LYST: variants seen among roughly 807,000 people sequenced by gnomAD.
The protein encoded by LYST is lysosomal trafficking regulator, also known as lysosomal-trafficking regulator.
In LYST, 192 loss-of-function variants were observed where a neutral mutation model predicts 413.6. That is an observed-to-expected ratio of 0.46 (90% confidence interval 0.41 to 0.52). LYST has a LOEUF of 0.52. LYST is among the 20% of genes least tolerant of loss of function. The pLI is 0.00. For synonymous variants in LYST, 1,525 were observed against 1,567.3 expected, an observed-to-expected ratio of 0.97 and a Z score of 0.64; for missense variants, 3,815 against 4,499.9, an observed-to-expected ratio of 0.85 and a Z score of 4.35.
Position 235,764,557 on chromosome 1 carries a change from T to C in LYST, c.6121+1522A>G, listed in dbSNP as rs1466957662. ...TCTTGTCACCCAGGCTGGAGTGCAATGGCACATTCTCACCTAACTGCAACC... is the reference window on the plus strand; with the variant it reads ...TCTTGTCACCCAGGCTGGAGTGCAACGGCACATTCTCACCTAACTGCAACC... On this transcript the variant is annotated intron_variant, in intron 21 of 52. Transcript: ENST00000389793. Among the ~76,000 whole-genome samples the C allele has an allele frequency of 5.6e-5, 8 of 143,552 alleles. No homozygotes were observed. The Admixed American group carries it at 5.7e-4, about 10-fold the overall frequency. The allele number at this position is 143,552 out of a possible 152,430, so 94.2% of individuals were successfully genotyped here. A position where few individuals can be genotyped will look rare whatever the true frequency, so the allele number is the denominator to read the frequency against.
intron 10 of LYST, among the ~76,000 whole-genome samples, chr1:235,796,232 C>T (rs1349837781): frequency 6.6e-6 from 1 of 151,858 alleles, no homozygotes; most frequent in Non-Finnish European, 1.5e-5. Flanking sequence ...AGATATGACA[C>T]TAAAAGCAAA....
At chr1:235,852,838 G>A (rs1196503846) in intron 1 of LYST, among the ~76,000 whole-genome samples, 1 of 152,190 alleles carries the variant, frequency 6.6e-6, no homozygotes, top group African/African-American at 2.4e-5. Flanking sequence ...GCAGTTAAGA[G>A]ATTTCCCAAA....
In LYST at chr1:235,840,366, T is replaced by A. The variant is rs139033643; in HGVS notation, c.-97-6699A>T. On this transcript the variant is annotated intron_variant, in intron 1 of 52. Coordinates refer to ENST00000389793, the MANE Select transcript of LYST (RefSeq NM_000081.4). Reference sequence around the variant, plus strand: ...TGTCACTGAAGAAATTACAGTAAGTTTGGTATCACAACTACAAAATGAGAA... The same window carrying A: ...TGTCACTGAAGAAATTACAGTAAGTATGGTATCACAACTACAAAATGAGAA... Among the ~76,000 whole-genome samples, 29 of 152,254 alleles carry A rather than the reference T, an allele frequency of 1.9e-4. 1 individual carries two copies. In the East Asian group the frequency reaches 5.0e-3, roughly 26 times the overall value.
intron 1 of LYST, among the ~76,000 whole-genome samples, chr1:235,835,823 C>T (rs1676510905): frequency 1.3e-5 from 2 of 152,182 alleles, no homozygotes; most frequent in South Asian, 4.1e-4. Context: ...ATGACTGTTT[C>T]ACCCTCTAGG....
At chr1:235,831,076 T>C (rs1041120455) in intron 2 of LYST, among the ~76,000 whole-genome samples, 4 of 152,182 alleles carry the variant, frequency 2.6e-5, no homozygotes, top group African/African-American at 9.7e-5. Flanking sequence ...GGAAAAACCA[T>C]GAACAACGAA....
upstream of LYST, among the ~76,000 whole-genome samples, chr1:235,867,152 A>G (rs182912531): frequency 6.6e-6 from 1 of 152,198 alleles, no homozygotes. Context: ...GCGGGGCTGC[A>G]GCCGGGGCCC....
rs779569154 is a variant in LYST, at chr1:235,809,217, T to G, written c.1601A>C (p.Glu534Ala). ...ATAAACATCTCCATCTGCAGTCTCT[T>G]CAAATGGGTTTTTGGAAACCTGGTT... The part of the protein sequence containing the change: ...FKNQVSKNPF[E>A]ETADGDVYYP... Residue 534 changes from glutamate to alanine, a missense_variant, in exon 5 of 53, where the codon GAA (glutamate) becomes GCA (alanine). Glu to Ala is a moderately radical substitution (Grantham distance 107). Around this residue, in one of 4 missense-constraint regions of LYST, gnomAD observed 1,648 missense variants for 1,810.3 expected, o/e 0.91. Coordinates refer to ENST00000389793, the MANE Select transcript of LYST (RefSeq NM_000081.4). This position sits in a 1 kb window ranked among gnomAD's most constrained non-coding sequence, Gnocchi z 4.0. 6.2e-7 allele frequency: 1 copy of G among 1,613,748 alleles called. No individual in the cohort carries two copies. The highest frequency in any genetic ancestry group is 8.5e-7 in the Non-Finnish European group (1 of 1,179,926).
chr1:235,882,177 G>A (rs1681408833), intron 1 of LYST, among the ~76,000 whole-genome samples: 1 of 151,942 alleles, frequency 6.6e-6, no homozygotes, highest in Non-Finnish European at 1.5e-5. Flanking sequence ...AAAGGAGATG[G>A]CTTTGTCTTG....
chr1:235,718,168 A>G (rs915071390), intron 40 of LYST, among the ~76,000 whole-genome samples: 1 of 149,466 alleles, frequency 6.7e-6, no homozygotes, highest in Non-Finnish European at 1.5e-5. Context: ...CTGGCCTGCA[A>G]TTTTTTATAG....
intron 31 of LYST, chr1:235,737,917 G>GAAGT: frequency 8.6e-7 from 1 of 1,160,142 alleles, no homozygotes; most frequent in Non-Finnish European, 1.1e-6. Context: ...CTGCCGACGA[G>GAAGT]TCTGGATCTC....
intron 1 of LYST, among the ~76,000 whole-genome samples, chr1:235,863,549 A>G (rs1680150857): frequency 6.6e-6 from 1 of 151,876 alleles, no homozygotes; most frequent in Non-Finnish European, 1.5e-5. Flanking sequence ...TAAATACAGC[A>G]ACAGACCAAA....
chr1:235,702,534 C>CT (rs558525345), intron 45 of LYST, among the ~76,000 whole-genome samples: 1 of 152,178 alleles, frequency 6.6e-6, no homozygotes, highest in East Asian at 1.9e-4. Context: ...ACGATGAATT[C>CT]TTTTTTCCTC....
At chr1:235,811,552 A>C (rs1048843963) in intron 4 of LYST, among the ~76,000 whole-genome samples, 5 of 152,196 alleles carry the variant, frequency 3.3e-5, no homozygotes, top group African/African-American at 1.2e-4. Context: ...CGTATGGTCA[A>C]CACTCAGTAA....
intron 19 of LYST, among the ~76,000 whole-genome samples, chr1:235,771,856 C>G (rs780246756): frequency 6.7e-6 from 1 of 149,168 alleles, no homozygotes; most frequent in Non-Finnish European, 1.5e-5. Flanking sequence ...TCTCTTTCCT[C>G]TAGCATATTT....
chr1:235,711,259 G>A (rs1407794727), intron 43 of LYST, among the ~76,000 whole-genome samples: 2 of 147,158 alleles, frequency 1.4e-5, no homozygotes, highest in South Asian at 4.2e-4. Flanking sequence ...AAGCTTCAAG[G>A]CAGGTGCCCC....
rs1368934008 is a variant in LYST at position 235,830,321 on chromosome 1, C to CT, written c.96dup (p.Glu33ArgfsTer31). ...GTTGCCATGTGCGTCTCCTCCTCTT[C>CT]TTCCTCCCTGGCCTCCACCCTCTGG... is the stretch of plus-strand genomic sequence containing the variant. On this transcript the variant is annotated frameshift_variant, in exon 3 of 53. Coordinates refer to ENST00000389793, the MANE Select transcript of LYST (RefSeq NM_000081.4). LOFTEE classifies it high-confidence loss of function. The CT allele has an allele frequency of 6.2e-7, 1 of 1,613,990 alleles. No individual in the cohort carries two copies. The highest frequency in any genetic ancestry group is 8.5e-7 in the Non-Finnish European group (1 of 1,179,882).
At chr1:235,822,421 C>T (rs1000045292) in intron 3 of LYST, among the ~76,000 whole-genome samples, 2 of 152,198 alleles carry the variant, frequency 1.3e-5, no homozygotes, top group African/African-American at 2.4e-5. Flanking sequence ...TTAACTTACT[C>T]CTATCTCATT....
intron 25 of LYST, among the ~76,000 whole-genome samples, chr1:235,754,378 A>T (rs921661476): frequency 6.6e-6 from 1 of 151,542 alleles, no homozygotes. Context: ...GATTACATGA[A>T]TGTGCCACCA....
chr1:235,784,855 G>A lies in LYST; in HGVS notation c.4862+2345C>T, dbSNP rs571624116. The stretch of plus-strand genomic sequence containing the variant: ...TTGCTGATTGGCTACAGCTGCCATG[G>A]CAGCTATGAAGATCGAGAACGTCAC... On this transcript the variant is annotated intron_variant, in intron 14 of 52. Coordinates refer to ENST00000389793, the MANE Select transcript of LYST (RefSeq NM_000081.4). Among the ~76,000 whole-genome samples the A allele has an allele frequency of 1.2e-4, 18 of 152,312 alleles. 1 individual carries two copies. The East Asian group carries it at 3.5e-3, about 29-fold the overall frequency.
Sources: allele counts gnomAD v4.1 joint callset (sites outside exome capture counted in the v4.1 genomes callset), GRCh38; gene constraint gnomAD v4.1.1; regional missense constraint gnomAD v4.1.1; non-coding constraint Gnocchi (gnomAD v3.1); transcripts MANE v1.5; gene names NCBI Gene and HGNC (gene_info 2026-07-23, HGNC 2026-07-21).